The following SCGN variants were observed in gnomAD, a reference collection of about 807,000 sequenced individuals.
The protein encoded by SCGN is secretagogin.
A neutral mutation model predicts 39.7 loss-of-function variants in SCGN; 30 were observed. That is an observed-to-expected ratio of 0.76 (90% confidence interval 0.57 to 1.03). The LOEUF is 1.03. SCGN is among the 50% of genes least tolerant of loss of function. The probability of loss-of-function intolerance (pLI) is 0.00; values close to 1 mark genes in which losing one functional copy is unlikely to be tolerated. For missense variants in SCGN, 353 were observed against 349.4 expected (o/e 1.01, Z -0.08); for synonymous variants, 106 against 114.1 (o/e 0.93, Z 0.45).
At chr6:25,681,647 T>C (rs757362071) in intron 6 of SCGN, among the ~76,000 whole-genome samples, 5 of 152,208 alleles carry the variant, frequency 3.3e-5, no homozygotes, top group African/African-American at 4.8e-5. Flanking sequence ...GTCACTACTT[T>C]GTCACTCCAT....
intron 10 of SCGN, among the ~76,000 whole-genome samples, chr6:25,695,969 C>T (rs542513064): frequency 1.3e-5 from 2 of 152,272 alleles, no homozygotes; most frequent in African/African-American, 2.4e-5. Context: ...ACACTAACAT[C>T]GGAAGCCAAA....
At chr6:25,669,425 T>G in intron 4 of SCGN, 86 bp from the exon 5 acceptor site, 2 of 1,185,904 alleles carry the variant, frequency 1.7e-6, no homozygotes, top group East Asian at 2.4e-5. Flanking sequence ...TAAGTACTGT[T>G]TTCAGATGCT....
chr6:25,675,536 T>G (rs2010291), intron 6 of SCGN, among the ~76,000 whole-genome samples: 123,986 of 152,244 alleles, frequency 0.81, 50,733 homozygotes, highest in African/African-American at 0.88. Context: ...TTCCAAGCCC[T>G]GTCTTTTGGA....
At chr6:25,687,419 A>G (rs761018955) in intron 7 of SCGN, among the ~76,000 whole-genome samples, 8 of 152,142 alleles carry the variant, frequency 5.3e-5, no homozygotes, top group African/African-American at 1.7e-4. Context: ...AATTTATTAA[A>G]TATTTTATTC....
intron 6 of SCGN, 110 bp downstream of exon 6, chr6:25,670,186 T>C (rs1014622065): frequency 7.5e-6 from 6 of 797,676 alleles, no homozygotes; most frequent in African/African-American, 3.4e-5. Flanking sequence ...GAAGACTAAA[T>C]GAATGCAAGA....
intron 2 of SCGN, among the ~76,000 whole-genome samples, chr6:25,659,905 G>A (rs1201971393): frequency 6.6e-6 from 1 of 152,112 alleles, no homozygotes; most frequent in East Asian, 1.9e-4. Flanking sequence ...AGCCTGATGG[G>A]AAGAGGTGAG....
Position 25,691,057 on chromosome 6 carries a change from G to A in SCGN, c.635G>A (p.Ser212Asn). 6.2e-7 allele frequency: 1 copy of A among 1,613,060 alleles called. No individual in the cohort carries two copies. The highest frequency in any genetic ancestry group is 8.5e-7 in the Non-Finnish European group (1 of 1,179,400). ...GCAATTGGATCTTTTCTTTTTCAGAGTAAAACAGGAGCCCTGGAAGGCCCA... is the reference window on the plus strand; with the variant it reads ...GCAATTGGATCTTTTCTTTTTCAGAATAAAACAGGAGCCCTGGAAGGCCCA... The part of the protein sequence containing the change: ...FEKIFAYYDV[S>N]KTGALEGPEV... Residue 212 changes from serine to asparagine, a missense_variant and splice_region_variant, in exon 10 of 11, where the codon AGT (serine) becomes AAT (asparagine). Transcript: ENST00000377961.
At position 25,652,335 on chromosome 6, in the gene SCGN, G is replaced by A. The variant is rs920998696; in HGVS notation, c.-69G>A. 3.4e-6 allele frequency: 4 copies of A among 1,165,656 alleles called. No homozygotes were observed. Among genetic ancestry groups the A allele is most frequent in the Non-Finnish European group, 5.1e-6 (4 of 779,670 alleles). 72.2% of individuals were successfully genotyped at this position (1,165,656 alleles called of 1,614,324 possible). On this transcript the variant is annotated 5_prime_UTR_variant, in exon 1 of 11. Transcript: ENST00000377961. ...AGCAGGAGAGCAAGTCAAGAAATACGGTGAAGGAGTCCTTCCCAAAGTTGT... is the reference window on the plus strand; with the variant it reads ...AGCAGGAGAGCAAGTCAAGAAATACAGTGAAGGAGTCCTTCCCAAAGTTGT...
At chr6:25,670,143 A>G in intron 6 of SCGN, 67 bp downstream of exon 6, 2 of 1,074,294 alleles carry the variant, frequency 1.9e-6, no homozygotes, top group Non-Finnish European at 2.9e-6. Context: ...CCCCAGAAAC[A>G]GTGTCTGCTA....
intron 6 of SCGN, among the ~76,000 whole-genome samples, chr6:25,677,431 A>G (rs897082502): frequency 6.6e-6 from 1 of 152,188 alleles, no homozygotes; most frequent in Non-Finnish European, 1.5e-5. Flanking sequence ...TACCTGACAA[A>G]TAATTGTCAA....
intron 6 of SCGN, among the ~76,000 whole-genome samples, chr6:25,675,522 T>C (rs1367210201): frequency 6.6e-6 from 1 of 152,254 alleles, no homozygotes; most frequent in African/African-American, 2.4e-5. Flanking sequence ...AAGTGCTGTC[T>C]TTATTCCAAG....
intron 3 of SCGN, among the ~76,000 whole-genome samples, chr6:25,663,510 T>C (rs893092379): frequency 1.1e-4 from 17 of 152,220 alleles, no homozygotes; most frequent in Non-Finnish European, 2.4e-4. Flanking sequence ...AATTTATAAA[T>C]ACTGGCTCAT....
At chr6:25,691,992 G>A (rs1473467117) in intron 10 of SCGN, among the ~76,000 whole-genome samples, 1 of 152,224 alleles carries the variant, frequency 6.6e-6, no homozygotes, top group Non-Finnish European at 1.5e-5. Flanking sequence ...CAATAGAGCA[G>A]GCATGGATAA....
At chr6:25,677,087 G>A (rs6932536) in intron 6 of SCGN, among the ~76,000 whole-genome samples, 123,551 of 151,688 alleles carry the variant, frequency 0.81, 50,550 homozygotes, top group African/African-American at 0.88. Flanking sequence ...TATTGCTAGC[G>A]TGTGAATTTC....
intron 10 of SCGN, among the ~76,000 whole-genome samples, chr6:25,698,182 T>A (rs1759862490): frequency 6.6e-6 from 1 of 152,208 alleles, no homozygotes; most frequent in Admixed American, 6.5e-5. Flanking sequence ...CATATTGAGT[T>A]GCCCAATATT....
Position 25,670,013 on chromosome 6 carries a change from C to T in SCGN, c.408C>T (p.Asp136=), listed in dbSNP as rs755602961. 6.2e-7 allele frequency: 1 copy of T among 1,613,614 alleles called. No individual in the cohort carries two copies. The highest frequency in any genetic ancestry group is 1.1e-5 in the South Asian group (1 of 91,038). Residue 136 remains aspartate (D), a synonymous_variant, in exon 6 of 11, where the codon GAC becomes GAT. Coordinates refer to ENST00000377961, the MANE Select transcript of SCGN (RefSeq NM_006998.4). ...SAAELRNFLR[D]LFLHHKKAIS... is the part of the protein sequence containing the mutation. The stretch of plus-strand genomic sequence containing the variant: ...TGGCGCCACAGAACTTCCTCCGAGA[C>T]CTCTTTCTTCACCACAAAAAGGCCA...
At chr6:25,669,923 T>G in intron 5 of SCGN, 76 bp from the exon 6 acceptor site, 1 of 1,169,904 alleles carries the variant, frequency 8.5e-7, no homozygotes. Context: ...TCACAATTCT[T>G]GAAATAAGGC....
At chr6:25,692,794 G>T (rs1463986316) in intron 10 of SCGN, among the ~76,000 whole-genome samples, 1 of 152,170 alleles carries the variant, frequency 6.6e-6, no homozygotes, top group Non-Finnish European at 1.5e-5. Flanking sequence ...GGGCTGCCTT[G>T]GTTGGGGGTG....
At chr6:25,679,120 A>C (rs1312013594) in intron 6 of SCGN, 1 of 152,918 alleles carries the variant, frequency 6.5e-6, no homozygotes, top group African/African-American at 2.4e-5. Flanking sequence ...TCAGCTGGGC[A>C]TGGTTGATGC....
Sources: allele counts gnomAD v4.1 joint callset (sites outside exome capture counted in the v4.1 genomes callset), GRCh38; gene constraint gnomAD v4.1.1; transcripts MANE v1.5; gene names NCBI Gene and HGNC (gene_info 2026-07-23, HGNC 2026-07-21).